SYT1: variants seen among roughly 807,000 people sequenced by gnomAD.
SYT1 encodes synaptotagmin-1.
In SYT1, 8 loss-of-function variants were observed where a neutral mutation model predicts 44.8. The ratio of observed to expected loss-of-function variants is 0.18; its 90% confidence interval spans 0.10 to 0.32. SYT1 has a LOEUF of 0.32. SYT1 is among the 10% of genes least tolerant of loss of function. The pLI is 1.00. For missense variants in SYT1, 286 were observed against 509.3 expected, an observed-to-expected ratio of 0.56 and a Z score of 4.22; for synonymous variants, 154 against 188.8, an observed-to-expected ratio of 0.82 and a Z score of 1.51.
rs75058503 is a variant in SYT1, at chr12:79,381,376, G to A, written c.928+27757G>A. The stretch of plus-strand genomic sequence containing the variant: ...ATTGTTATCAGATCCCCTTGAAAAA[G>A]ATAAAAGGACCACCACTGTTACAAA... On this transcript the variant is annotated intron_variant, in intron 9 of 10. Transcript: ENST00000261205. 2.5e-3 allele frequency among the ~76,000 whole-genome samples: 381 copies of A among 152,214 alleles called. 6 individuals are homozygous for A. The East Asian group carries it at 0.06, about 24-fold the overall frequency.
chr12:79,209,046 G>A (rs1874289324), intron 3 of SYT1, among the ~76,000 whole-genome samples: 1 of 152,184 alleles, frequency 6.6e-6, no homozygotes, highest in Non-Finnish European at 1.5e-5. Flanking sequence ...GCTTCCAGTT[G>A]TTGTAAGGTC....
chr12:79,130,222 C>T (rs1868721682), intron 3 of SYT1, among the ~76,000 whole-genome samples: 1 of 152,100 alleles, frequency 6.6e-6, no homozygotes, highest in Non-Finnish European at 1.5e-5. Flanking sequence ...TATATGTATT[C>T]ATATGAGACA....
intron 3 of SYT1, among the ~76,000 whole-genome samples, chr12:79,088,738 CTGTGTGTGTGTGTGTG>C (rs571903732): frequency 3.1e-4 from 42 of 137,168 alleles, no homozygotes; most frequent in African/African-American, 9.6e-4. Flanking sequence ...GGCTTTGGGC[CTGTGTGTGTGTGTGTG>C]TGTGTGTGTG....
At chr12:79,324,014 A>G (rs1314570973) in intron 8 of SYT1, among the ~76,000 whole-genome samples, 2 of 145,190 alleles carry the variant, frequency 1.4e-5, no homozygotes, top group Admixed American at 1.4e-4. Flanking sequence ...GCAGTGGCGC[A>G]ATCTCAGCTC....
chr12:79,349,033 A>AAGAAAGAAAGAAAGAAAGAAAGAAAAAG (rs1367804411), intron 8 of SYT1, among the ~76,000 whole-genome samples: 41 of 120,206 alleles, frequency 3.4e-4, no homozygotes, highest in African/African-American at 1.2e-3. Context: ...GAAAGAAAGA[A>AAGAAAGAAAGAAAGAAAGAAAGAAAAAG]AAAGAAAGAA....
intron 9 of SYT1, among the ~76,000 whole-genome samples, chr12:79,378,671 C>A (rs889816957): frequency 2.0e-5 from 3 of 152,082 alleles, no homozygotes; most frequent in Admixed American, 1.3e-4. Context: ...AAAACATGAC[C>A]CCCAGTGGGG....
chr12:79,235,516 A>G (rs1295644140), intron 4 of SYT1, among the ~76,000 whole-genome samples: 1 of 151,656 alleles, frequency 6.6e-6, no homozygotes, highest in Non-Finnish European at 1.5e-5. Flanking sequence ...TTTTTCAAGG[A>G]GTCAAGCCTT....
intron 1 of SYT1, among the ~76,000 whole-genome samples, chr12:78,976,318 G>A (rs1331095427): frequency 6.6e-6 from 1 of 152,178 alleles, no homozygotes; most frequent in Non-Finnish European, 1.5e-5. Flanking sequence ...AGCAGCCTGA[G>A]CTGGAGTCAA....
intron 2 of SYT1, among the ~76,000 whole-genome samples, chr12:79,046,880 G>T (rs149927427): frequency 1.2e-3 from 177 of 151,944 alleles, no homozygotes; most frequent in African/African-American, 4.0e-3. Context: ...GTAACATGGG[G>T]CTGTACAAGG....
chr12:79,169,735 T>G (rs61927320), intron 3 of SYT1, among the ~76,000 whole-genome samples: 17,185 of 151,902 alleles, frequency 0.11, 1,526 homozygotes, highest in African/African-American at 0.25. Flanking sequence ...TACAAGTGCA[T>G]GTTTGTTTCA....
At chr12:79,067,032 C>T (rs896473731) in intron 3 of SYT1, among the ~76,000 whole-genome samples, 5 of 152,148 alleles carry the variant, frequency 3.3e-5, no homozygotes, top group African/African-American at 7.2e-5. Context: ...ATTGCCTCCA[C>T]GCAGTGTGCT....
At chr12:79,118,947 TCCTTGTC>T (rs1879442542) in intron 3 of SYT1, among the ~76,000 whole-genome samples, 2 of 152,234 alleles carry the variant, frequency 1.3e-5, no homozygotes, top group South Asian at 4.1e-4. Context: ...AAACATCTCT[TCCTTGTC>T]CCTAGACATA....
intron 1 of SYT1, among the ~76,000 whole-genome samples, chr12:78,936,285 G>A (rs1878054070): frequency 6.6e-6 from 1 of 152,002 alleles, no homozygotes; most frequent in African/African-American, 2.4e-5. Context: ...AACATATGGT[G>A]GTTTAATCAG....
intron 2 of SYT1, among the ~76,000 whole-genome samples, chr12:78,979,847 A>G (rs1040094583): frequency 1.1e-4 from 16 of 152,064 alleles, no homozygotes. Flanking sequence ...TAGTATTTTC[A>G]TATTTGAATC....
intron 9 of SYT1, among the ~76,000 whole-genome samples, chr12:79,366,127 C>T (rs1883533083): frequency 6.6e-6 from 1 of 152,164 alleles, no homozygotes; most frequent in Non-Finnish European, 1.5e-5. Context: ...CTGCATTTTA[C>T]AGCACTGTCT....
At position 78,982,190 on chromosome 12, in the gene SYT1, T is replaced by C. The variant is rs373937156; in HGVS notation, c.-84+4259T>C. ...ATTGAAGACCTGCAGTATATAGCTC[T>C]TTTTGAGCTGATATATCTCATTACT... On this transcript the variant is annotated intron_variant, in intron 2 of 10. Coordinates refer to ENST00000261205, the MANE Select transcript of SYT1 (RefSeq NM_005639.3). 1.6e-4 allele frequency among the ~76,000 whole-genome samples: 24 copies of C among 152,304 alleles called. No individual in the cohort carries two copies. The East Asian group carries it at 4.2e-3, about 27-fold the overall frequency.
At chr12:79,211,529 C>A (rs1022894406) in intron 3 of SYT1, among the ~76,000 whole-genome samples, 3 of 151,404 alleles carry the variant, frequency 2.0e-5, no homozygotes, top group African/African-American at 4.9e-5. Context: ...CATGCTGGTG[C>A]GCTGCACCCA....
At chr12:78,962,483 T>A (rs2137346979) in intron 1 of SYT1, among the ~76,000 whole-genome samples, 1 of 152,234 alleles carries the variant, frequency 6.6e-6, no homozygotes, top group South Asian at 2.1e-4. Flanking sequence ...TCTCAATGTT[T>A]ATGACCTAAT....
chr12:79,331,153 C>A (rs1192818226), intron 8 of SYT1, among the ~76,000 whole-genome samples: 1 of 152,178 alleles, frequency 6.6e-6, no homozygotes, highest in African/African-American at 2.4e-5. Context: ...TCCCACCTAA[C>A]TGTACCAATC....
Sources: gnomAD v4.1 joint callset for allele counts (sites outside exome capture counted in the v4.1 genomes callset) on GRCh38, gnomAD v4.1.1 for gene constraint, MANE v1.5 for transcripts, NCBI Gene and HGNC (gene_info 2026-07-23, HGNC 2026-07-21) for gene names.